NEGR1: variants seen among roughly 807,000 people sequenced by gnomAD.
The protein encoded by NEGR1 is neuronal growth regulator 1.
In NEGR1, 10 loss-of-function variants were observed where a neutral mutation model predicts 40.9. That is an observed-to-expected ratio of 0.24 (90% CI 0.15 to 0.42). The LOEUF (loss-of-function observed/expected upper bound fraction) is 0.42, where lower values mean the gene tolerates loss of function less well. Among genes scored for constraint, NEGR1 ranks in the 10% least tolerant of loss-of-function variants. NEGR1 has a pLI of 1.00. For synonymous variants in NEGR1, 185 were observed against 166.8 expected, an observed-to-expected ratio of 1.11 and a Z score of -0.84; for missense variants, 352 against 438.9, an observed-to-expected ratio of 0.80 and a Z score of 1.77.
chr1:72,207,690 A>G (rs1297546551), intron 1 of NEGR1, among the ~76,000 whole-genome samples: 1 of 151,794 alleles, frequency 6.6e-6, no homozygotes, highest in Non-Finnish European at 1.5e-5. Context: ...AAACGTTGAG[A>G]CATACTGGAT....
At chr1:71,640,634 G>C (rs1265719327) in intron 4 of NEGR1, among the ~76,000 whole-genome samples, 1 of 151,972 alleles carries the variant, frequency 6.6e-6, no homozygotes, top group Non-Finnish European at 1.5e-5. Context: ...CTCAGTATCA[G>C]ACTAGAGGAA....
chr1:72,230,163 C>A (rs1406787319), intron 1 of NEGR1, among the ~76,000 whole-genome samples: 2 of 152,082 alleles, frequency 1.3e-5, no homozygotes, highest in African/African-American at 4.8e-5. Context: ...AAATGCTGCT[C>A]CTTCAGAATG....
intron 1 of NEGR1, among the ~76,000 whole-genome samples, chr1:72,078,641 A>T (rs978566556): frequency 1.5e-4 from 22 of 144,022 alleles, no homozygotes; most frequent in Admixed American, 4.9e-4. Context: ...ATATATATTT[A>T]TTTATTTTTT....
At chr1:72,248,575 T>TTTATTATTATTA (rs201326223) in intron 1 of NEGR1, among the ~76,000 whole-genome samples, 6,889 of 132,856 alleles carry the variant, frequency 0.052, 209 homozygotes, top group Non-Finnish European at 0.062. Context: ...TCTATTTTTA[T>TTTATTATTATTA]TTATTATTAT....
At chr1:71,438,449 G>A (rs928928295) in intron 6 of NEGR1, among the ~76,000 whole-genome samples, 1 of 152,040 alleles carries the variant, frequency 6.6e-6, no homozygotes, top group African/African-American at 2.4e-5. Flanking sequence ...ATAATAATAA[G>A]CTCTCTAAAC....
At chr1:72,214,063 A>T (rs929667929) in intron 1 of NEGR1, among the ~76,000 whole-genome samples, 1 of 152,134 alleles carries the variant, frequency 6.6e-6, no homozygotes, top group Non-Finnish European at 1.5e-5. Flanking sequence ...GGTTCAACAT[A>T]CGCAAATCAA....
intron 4 of NEGR1, among the ~76,000 whole-genome samples, chr1:71,615,029 G>A (rs1212326938): frequency 6.6e-6 from 1 of 152,168 alleles, no homozygotes; most frequent in Non-Finnish European, 1.5e-5. Flanking sequence ...GCAAGGTATA[G>A]AGTTAAAGGT....
chr1:72,229,578 T>A (rs942539906), intron 1 of NEGR1, among the ~76,000 whole-genome samples: 1 of 150,714 alleles, frequency 6.6e-6, no homozygotes, highest in Non-Finnish European at 1.5e-5. Flanking sequence ...CAGATTATAA[T>A]CTGGAAAATA....
chr1:72,274,504 C>T, intron 1 of NEGR1: 2 of 643,326 alleles, frequency 3.1e-6, no homozygotes, highest in South Asian at 3.6e-5. Context: ...GATAAACTGT[C>T]TCAAGTTGTC....
chr1:71,628,811 T>C (rs1557592944), intron 4 of NEGR1, among the ~76,000 whole-genome samples: 1 of 152,154 alleles, frequency 6.6e-6, no homozygotes, highest in Non-Finnish European at 1.5e-5. Flanking sequence ...ATCCAGTCTA[T>C]CACTGATGAA....
chr1:72,112,256 C>T (rs1313642730), intron 1 of NEGR1, among the ~76,000 whole-genome samples: 1 of 137,392 alleles, frequency 7.3e-6, no homozygotes, highest in Non-Finnish European at 1.6e-5. Flanking sequence ...GAGTTGTACA[C>T]TTTTACGTTT....
chr1:71,930,569 C>T (rs894429364), intron 2 of NEGR1, among the ~76,000 whole-genome samples: 4 of 152,050 alleles, frequency 2.6e-5, no homozygotes, highest in South Asian at 4.1e-4. Flanking sequence ...ACTTCAAATC[C>T]GTTTTAACAT....
At chr1:72,104,613 T>G (rs1031432131) in intron 1 of NEGR1, among the ~76,000 whole-genome samples, 3 of 152,256 alleles carry the variant, frequency 2.0e-5, no homozygotes, top group African/African-American at 7.2e-5. Context: ...GAAAATGTAA[T>G]TGTAGTAATA....
chr1:71,743,507 T>G (rs1405212835), intron 3 of NEGR1, among the ~76,000 whole-genome samples: 1 of 152,140 alleles, frequency 6.6e-6, no homozygotes, highest in African/African-American at 2.4e-5. Context: ...TTTTAACTAA[T>G]GCTGATTATG....
At chr1:72,043,390 C>T (rs893879537) in intron 1 of NEGR1, among the ~76,000 whole-genome samples, 22 of 151,644 alleles carry the variant, frequency 1.5e-4, no homozygotes, top group African/African-American at 5.1e-4. Flanking sequence ...ACCCACTCTG[C>T]AGTACATACC....
chr1:71,414,815 T>C (rs1057469806), intron 6 of NEGR1, among the ~76,000 whole-genome samples: 1 of 152,148 alleles, frequency 6.6e-6, no homozygotes, highest in South Asian at 2.1e-4. Flanking sequence ...TGTCTGTTTG[T>C]TTACTAAACA....
intron 1 of NEGR1, among the ~76,000 whole-genome samples, chr1:71,969,392 C>T (rs151149391): frequency 2.6e-5 from 4 of 152,272 alleles, no homozygotes; most frequent in East Asian, 1.9e-4. Context: ...TGTTGAAATC[C>T]TGTTATACAG....
At chr1:71,808,845 A>G (rs1657877079) in intron 2 of NEGR1, among the ~76,000 whole-genome samples, 1 of 152,180 alleles carries the variant, frequency 6.6e-6, no homozygotes, top group African/African-American at 2.4e-5. Flanking sequence ...AAGCTTCTAA[A>G]TCAATGCATA....
At chr1:71,477,007 A>C (rs1312143800) in intron 6 of NEGR1, 1 of 152,160 alleles carries the variant, frequency 6.6e-6, no homozygotes, top group East Asian at 1.9e-4. Flanking sequence ...ATAAGTTTAT[A>C]TTTCTTACCA....
Sources: gnomAD v4.1 joint callset for allele counts (sites outside exome capture counted in the v4.1 genomes callset) on GRCh38, gnomAD v4.1.1 for gene constraint, MANE v1.5 for transcripts, NCBI Gene and HGNC (gene_info 2026-07-23, HGNC 2026-07-21) for gene names.